CLVS1: variants seen among roughly 807,000 people sequenced by gnomAD.
CLVS1 encodes clavesin 1, also known as clavesin-1.
A neutral mutation model predicts 33.1 loss-of-function variants in CLVS1; 10 were observed. The ratio of observed to expected loss-of-function variants is 0.30; its 90% CI spans 0.19 to 0.51. The LOEUF is 0.51. CLVS1 is among the 20% of genes least tolerant of loss of function. The pLI is 0.97. For missense variants in CLVS1, 343 were observed against 433.4 expected, an observed-to-expected ratio of 0.79 and a Z score of 1.85; for synonymous variants, 163 against 166.1, an observed-to-expected ratio of 0.98 and a Z score of 0.14.
intron 2 of CLVS1, among the ~76,000 whole-genome samples, chr8:61,333,048 ATG>A (rs1811660244): frequency 6.6e-6 from 1 of 152,174 alleles, no homozygotes; most frequent in South Asian, 2.1e-4. Flanking sequence ...GTTCTTGACG[ATG>A]TGAGTTAGCA....
At chr8:60,987,748 G>A in the CLVS1 span, among the ~76,000 whole-genome samples, 24 of 152,148 alleles carry the variant, frequency 1.6e-4, no homozygotes, top group African/African-American at 5.8e-4. Flanking sequence ...ATCATGATAA[G>A]CATGGAGGAA....
intron 2 of CLVS1, among the ~76,000 whole-genome samples, chr8:61,215,527 C>T (rs1585695433): frequency 1.3e-5 from 2 of 151,784 alleles, no homozygotes; most frequent in East Asian, 1.9e-4. Flanking sequence ...TAACGGATGT[C>T]TTTTTTTTAC....
intron 5 of CLVS1, among the ~76,000 whole-genome samples, chr8:61,459,575 C>T (rs13272124): frequency 0.88 from 133,162 of 151,330 alleles, 58,658 homozygotes; most frequent in Middle Eastern, 0.92. Context: ...TTAGCTCACC[C>T]ATCGGTGAGA....
chr8:61,018,532 T>A, the CLVS1 span, among the ~76,000 whole-genome samples: 36 of 152,238 alleles, frequency 2.4e-4, no homozygotes, highest in Non-Finnish European at 4.3e-4. Flanking sequence ...GGGGGCAAAG[T>A]GTTTCAGGAA....
At chr8:61,280,304 G>A (rs1809644730) in intron 2 of CLVS1, among the ~76,000 whole-genome samples, 1 of 152,160 alleles carries the variant, frequency 6.6e-6, no homozygotes, top group Non-Finnish European at 1.5e-5. Context: ...AGAAAAAGAA[G>A]CAACTGGTAT....
chr8:61,329,019 C>G (rs1223346087), intron 2 of CLVS1, among the ~76,000 whole-genome samples: 2 of 152,096 alleles, frequency 1.3e-5, no homozygotes, highest in East Asian at 3.9e-4. Flanking sequence ...TTTATCTTGT[C>G]TTTATTTGCA....
At position 61,232,029 on chromosome 8, in the gene CLVS1, T is replaced by TGTTTGTTTGTTTG. The variant is rs1563455079; in HGVS notation, c.-151-67648_-151-67647insGTTTGTTTGTTTG. Among the ~76,000 whole-genome samples the TGTTTGTTTGTTTG allele has an allele frequency of 2.2e-3, 96 of 43,728 alleles. 1 individual carries two copies. The highest frequency in any genetic ancestry group is 3.3e-3 in the East Asian group (7 of 2,132). 28.7% of individuals were successfully genotyped at this position (43,728 alleles called of 152,430 possible). On this transcript the variant is annotated intron_variant, in intron 2 of 2. Transcript: ENST00000522621. ...AGCCCTGAGGAAAGTTGTGGTTTTT[T>TGTTTGTTTGTTTG]TTTTTTTTTTTTTTTTTTTTTGTGA... is the stretch of plus-strand genomic sequence containing the variant.
chr8:61,018,860 A>T, the CLVS1 span, among the ~76,000 whole-genome samples: 415 of 152,340 alleles, frequency 2.7e-3, 4 homozygotes, highest in African/African-American at 9.7e-3. Context: ...AGAAGAAAGA[A>T]AGTTAGTCAA....
chr8:61,240,060 A>C (rs1202435235), intron 2 of CLVS1, among the ~76,000 whole-genome samples: 1 of 152,214 alleles, frequency 6.6e-6, no homozygotes, highest in African/African-American at 2.4e-5. Context: ...TAATGTAGCC[A>C]AGTCTTTCCA....
At chr8:61,255,671 G>T (rs1373309812) in intron 2 of CLVS1, among the ~76,000 whole-genome samples, 1 of 152,130 alleles carries the variant, frequency 6.6e-6, no homozygotes, top group African/African-American at 2.4e-5. Context: ...ATCTTTTCAA[G>T]CAACACAATA....
intron 2 of CLVS1, chr8:61,131,962 GGA>G (rs1396118515): frequency 6.6e-6 from 1 of 152,248 alleles, no homozygotes; most frequent in Admixed American, 6.5e-5. Context: ...CTAACACTCA[GGA>G]GACCTGTGGG....
intron 3 of CLVS1, among the ~76,000 whole-genome samples, chr8:61,439,799 T>C (rs1173001128): frequency 6.6e-6 from 1 of 152,190 alleles, no homozygotes; most frequent in Non-Finnish European, 1.5e-5. Context: ...CCCTCCCTTC[T>C]TTTGTGTGTT....
rs61450091 is a variant in CLVS1 at position 61,177,441 on chromosome 8, A to G, written c.-152+45581A>G. On this transcript the variant is annotated intron_variant, in intron 2 of 2. Transcript: ENST00000522621. ...GAATCCATCAGCCCAGACGAGTAAG[A>G]TTCCCCCCAGTGCGGCACACCCTCT... 5.6e-3 allele frequency among the ~76,000 whole-genome samples: 859 copies of G among 152,276 alleles called. 10 individuals carry two copies. Among genetic ancestry groups the G allele is most frequent in the African/African-American group, 0.019 (793 of 41,558 alleles).
intron 5 of CLVS1, among the ~76,000 whole-genome samples, chr8:61,478,963 T>C (rs1818072652): frequency 6.6e-6 from 1 of 152,252 alleles, no homozygotes; most frequent in Non-Finnish European, 1.5e-5. Flanking sequence ...GTTAGTCTGA[T>C]GGGCTTCCCT....
At chr8:61,130,648 C>G (rs1282099204) in intron 1 of CLVS1, among the ~76,000 whole-genome samples, 3 of 152,164 alleles carry the variant, frequency 2.0e-5, no homozygotes, top group African/African-American at 7.2e-5. Flanking sequence ...AGTTAAAAGG[C>G]ATATATTCAA....
intron 1 of CLVS1, among the ~76,000 whole-genome samples, chr8:61,118,527 C>G (rs1170266222): frequency 6.6e-6 from 1 of 150,748 alleles, no homozygotes; most frequent in Non-Finnish European, 1.5e-5. Context: ...AAATTTCCCT[C>G]TACACACTGC....
At chr8:61,189,228 T>A (rs927560386) in intron 2 of CLVS1, among the ~76,000 whole-genome samples, 2 of 152,174 alleles carry the variant, frequency 1.3e-5, no homozygotes, top group Non-Finnish European at 2.9e-5. Flanking sequence ...TCAACATTCT[T>A]AAAGAGAAGA....
intron 3 of CLVS1, among the ~76,000 whole-genome samples, chr8:61,450,930 G>A (rs1191789498): frequency 2.6e-5 from 4 of 152,186 alleles, no homozygotes; most frequent in Non-Finnish European, 5.9e-5. Flanking sequence ...AAATACGGCA[G>A]ATGAAGCATG....
At chr8:61,433,992 A>G (rs1816213885) in intron 3 of CLVS1, among the ~76,000 whole-genome samples, 1 of 151,894 alleles carries the variant, frequency 6.6e-6, no homozygotes, top group African/African-American at 2.4e-5. Flanking sequence ...TTCCAGGCAA[A>G]GCGAGAGGCA....
Sources: allele counts gnomAD v4.1 joint callset (sites outside exome capture counted in the v4.1 genomes callset), GRCh38; gene constraint gnomAD v4.1.1; transcripts MANE v1.5; gene names NCBI Gene and HGNC (gene_info 2026-07-23, HGNC 2026-07-21).